The following RANBP2 variants were observed in gnomAD, a reference collection of about 807,000 sequenced individuals.
RANBP2 encodes the protein E3 SUMO-protein ligase RanBP2.
Under a neutral mutation model 303.6 loss-of-function variants are expected in RANBP2, and 57 were observed. That is an observed-to-expected ratio of 0.19 (90% CI 0.15 to 0.23). The LOEUF (loss-of-function observed/expected upper bound fraction) is 0.23, where lower values mean the gene tolerates loss of function less well. Ranked by LOEUF, RANBP2 falls within the 10% of genes least tolerant of loss-of-function variation. The pLI, the probability that RANBP2 is intolerant of heterozygous loss-of-function variation, is 1.00. For missense variants in RANBP2, 3,138 were observed against 3,780.8 expected (o/e 0.83, Z 4.46); for synonymous variants, 1,167 against 1,301.5 (o/e 0.90, Z 2.23).
At chr2:109,050,481 C>T in the RANBP2 span, among the ~76,000 whole-genome samples, 1 of 152,134 alleles carries the variant, frequency 6.6e-6, no homozygotes, top group Non-Finnish European at 1.5e-5. Context: ...TTTCAAACTC[C>T]TGGCCTCAAG....
the RANBP2 span, among the ~76,000 whole-genome samples, chr2:109,369,227 A>G: frequency 1.3e-5 from 2 of 151,520 alleles, no homozygotes; most frequent in Non-Finnish European, 2.9e-5. Flanking sequence ...GAGCACCTGT[A>G]GTCCCAGCTA....
rs747890333 is a variant in RANBP2 at position 108,772,942 on chromosome 2, A to C, written c.8188A>C (p.Lys2730Gln). ...AGAGAAGGCAAAAGCAGATACGTTA[A>C]AACTTCCACCTACATTTTTTTGTGG... ...VEEKAKADTL[K>Q]LPPTFFCGVC... The change falls in exon 23 of 29, where the codon AAA (lysine) becomes CAA (glutamine). Residue 2730 changes from lysine to glutamine, a missense_variant. Lys to Gln is a moderately conservative substitution (Grantham distance 53). Around this residue, in one of 20 missense-constraint regions of RANBP2, gnomAD observed 497 missense variants for 465.8 expected, o/e 1.07. Coordinates refer to ENST00000283195, the MANE Select transcript of RANBP2 (RefSeq NM_006267.5). The C allele has an allele frequency of 5.7e-5, 92 of 1,613,990 alleles. No individual in the cohort carries two copies. The highest frequency in any genetic ancestry group is 8.3e-5 in the Admixed American group (5 of 59,998).
At chr2:109,677,384 C>T in the RANBP2 span, among the ~76,000 whole-genome samples, 1 of 152,200 alleles carries the variant, frequency 6.6e-6, no homozygotes, top group Non-Finnish European at 1.5e-5. Flanking sequence ...TGCCAATTTT[C>T]AGCCTTGGTC....
At chr2:109,119,249 C>G in the RANBP2 span, among the ~76,000 whole-genome samples, 2 of 152,184 alleles carry the variant, frequency 1.3e-5, no homozygotes, top group Admixed American at 6.5e-5. Context: ...GGACACAACT[C>G]TTGGCACATT....
At chr2:109,454,411 T>C in the RANBP2 span, among the ~76,000 whole-genome samples, 2 of 152,338 alleles carry the variant, frequency 1.3e-5, no homozygotes, top group Non-Finnish European at 2.9e-5. Context: ...TAGTTTTCCA[T>C]TGACCTCAGG....
the RANBP2 span, among the ~76,000 whole-genome samples, chr2:109,024,822 A>G: frequency 6.6e-6 from 1 of 152,318 alleles, no homozygotes; most frequent in East Asian, 1.9e-4. Flanking sequence ...TTTTAAATTG[A>G]TATTCTTTTT....
At chr2:109,657,106 G>A in the RANBP2 span, among the ~76,000 whole-genome samples, 40,885 of 151,998 alleles carry the variant, frequency 0.27, 6,324 homozygotes, top group Middle Eastern at 0.42. Context: ...TTCATGAATG[G>A]CCCAACCCTA....
At chr2:108,758,847 T>TA (rs1369920108) in intron 18 of RANBP2, among the ~76,000 whole-genome samples, 1 of 151,940 alleles carries the variant, frequency 6.6e-6, no homozygotes, top group Non-Finnish European at 1.5e-5. Flanking sequence ...TGAATAGAGT[T>TA]ATGCACTAAG....
chr2:108,815,998 GATC>G, the RANBP2 span: 838 of 1,613,618 alleles, frequency 5.2e-4, 10 homozygotes, highest in Admixed American at 0.014. Context: ...CTGGATTTCG[GATC>G]ATCATCTTAG....
chr2:109,544,064 C>T, the RANBP2 span: 1 of 1,264,766 alleles, frequency 7.9e-7, no homozygotes, highest in Non-Finnish European at 1.1e-6. Context: ...CAAAAAGATT[C>T]AGATTTTGAA....
the RANBP2 span, chr2:109,544,274 G>T: frequency 6.2e-7 from 1 of 1,612,816 alleles, no homozygotes; most frequent in Non-Finnish European, 8.5e-7. Flanking sequence ...AAGTTTGCTT[G>T]TGATGATGAC....
the RANBP2 span, among the ~76,000 whole-genome samples, chr2:109,260,948 G>C: frequency 6.6e-6 from 1 of 152,162 alleles, no homozygotes; most frequent in African/African-American, 2.4e-5. Flanking sequence ...AAGCAGTGAG[G>C]CTGGACTGTT....
chr2:109,661,140 C>T, the RANBP2 span, among the ~76,000 whole-genome samples: 1 of 152,130 alleles, frequency 6.6e-6, no homozygotes, highest in Non-Finnish European at 1.5e-5. Flanking sequence ...ACTTAGGGAC[C>T]CAGGTTTATG....
At chr2:109,129,164 TC>T in the RANBP2 span, 2 of 419,228 alleles carry the variant, frequency 4.8e-6, no homozygotes, top group Non-Finnish European at 9.2e-6. Flanking sequence ...TGCCCGCACT[TC>T]CTGCCGCTGG....
chr2:109,334,049 A>G, the RANBP2 span, among the ~76,000 whole-genome samples: 1 of 152,208 alleles, frequency 6.6e-6, no homozygotes, highest in Non-Finnish European at 1.5e-5. Context: ...CAAATCACAG[A>G]CAGTTGTGCA....
chr2:109,350,976 C>T, the RANBP2 span, among the ~76,000 whole-genome samples: 2 of 152,308 alleles, frequency 1.3e-5, no homozygotes, highest in Non-Finnish European at 2.9e-5. Flanking sequence ...AAGATTTTTA[C>T]CTTTGGTGTT....
chr2:109,191,445 T>C, the RANBP2 span, among the ~76,000 whole-genome samples: 1 of 152,152 alleles, frequency 6.6e-6, no homozygotes, highest in African/African-American at 2.4e-5. Context: ...TATAAATCAA[T>C]GTGTTTGGGT....
At chr2:109,410,609 T>G in the RANBP2 span, among the ~76,000 whole-genome samples, 1 of 152,246 alleles carries the variant, frequency 6.6e-6, no homozygotes. Flanking sequence ...GAGGGATTGC[T>G]GGAGTTGTTC....
At chr2:108,865,609 A>G in the RANBP2 span, among the ~76,000 whole-genome samples, 4 of 152,156 alleles carry the variant, frequency 2.6e-5, no homozygotes, top group African/African-American at 9.7e-5. Context: ...TGCCAGTCCT[A>G]TCCACTTTCT....
Sources: gnomAD v4.1 joint callset for allele counts (sites outside exome capture counted in the v4.1 genomes callset) on GRCh38, gnomAD v4.1.1 for gene constraint, gnomAD v4.1.1 regional missense constraint, MANE v1.5 for transcripts, NCBI Gene and HGNC (gene_info 2026-07-23, HGNC 2026-07-21) for gene names.